BCO1: variants seen among roughly 807,000 people sequenced by gnomAD.
The protein encoded by BCO1 is beta-carotene oxygenase 1, also known as beta,beta-carotene 15,15'-dioxygenase.
Under a neutral mutation model 56.3 loss-of-function variants are expected in BCO1, and 54 were observed. The ratio of observed to expected loss-of-function variants is 0.96; its 90% CI spans 0.77 to 1.20. BCO1 has a LOEUF of 1.20. BCO1 is among the 50% of genes most tolerant of loss of function. The pLI is 0.00. For synonymous variants in BCO1, 318 were observed against 266.1 expected (o/e 1.20, Z -1.90); for missense variants, 801 against 690.9 (o/e 1.16, Z -1.79).
chr16:81,251,528 C>G (rs1905797961), intron 2 of BCO1, among the ~76,000 whole-genome samples: 1 of 151,928 alleles, frequency 6.6e-6, no homozygotes, highest in African/African-American at 2.4e-5. Context: ...CCTCTGCACT[C>G]CATCCTGGGT....
At position 81,264,873 on chromosome 16, in the gene BCO1, G is replaced by A. The variant is rs991896131; in HGVS notation, c.619+86G>A. On this transcript the variant is annotated intron_variant, in intron 5 of 10. Coordinates refer to ENST00000258168, the MANE Select transcript of BCO1 (RefSeq NM_017429.3). ...GTTCTGTTTTTCGTTGATGACACAA[G>A]ATCCAGTGTGGTACTTTCTCCCGTA... 5 of 1,459,618 alleles carry A rather than the reference G, an allele frequency of 3.4e-6. No individual in the cohort carries two copies. The Admixed American group carries it at 5.1e-5, about 15-fold the overall frequency. The allele number at this position is 1,459,618 out of a possible 1,614,324, so 90.4% of individuals were successfully genotyped here.
At chr16:81,258,241 T>C (rs1906267161) in intron 2 of BCO1, among the ~76,000 whole-genome samples, 1 of 152,006 alleles carries the variant, frequency 6.6e-6, no homozygotes, top group Admixed American at 6.6e-5. Context: ...AAGTGAGGGG[T>C]AAGTCGTTAC....
chr16:81,239,754 A>C (rs561681415), intron 1 of BCO1, among the ~76,000 whole-genome samples: 57 of 152,292 alleles, frequency 3.7e-4, no homozygotes, highest in African/African-American at 1.4e-3. Context: ...CTATAGGAGT[A>C]GGACCTTCTA....
At chr16:81,279,574 C>T (rs1278581199) in intron 7 of BCO1, among the ~76,000 whole-genome samples, 1 of 152,174 alleles carries the variant, frequency 6.6e-6, no homozygotes, top group Non-Finnish European at 1.5e-5. Context: ...TGATGTCATT[C>T]AGTCTGCACA....
intron 3 of BCO1, among the ~76,000 whole-genome samples, chr16:81,260,178 A>C (rs1414456321): frequency 6.6e-6 from 1 of 152,184 alleles, no homozygotes; most frequent in Non-Finnish European, 1.5e-5. Context: ...AACAACCCAA[A>C]TGTTCATTAA....
intron 1 of BCO1, among the ~76,000 whole-genome samples, chr16:81,241,211 G>C (rs926569767): frequency 6.6e-6 from 1 of 152,020 alleles, no homozygotes; most frequent in Admixed American, 6.6e-5. Context: ...CTCCTCAGGA[G>C]ACTGGGCATG....
chr16:81,274,770 C>G (rs574931629), intron 7 of BCO1, among the ~76,000 whole-genome samples: 1 of 152,204 alleles, frequency 6.6e-6, no homozygotes, highest in South Asian at 2.1e-4. Flanking sequence ...CTTAGCTACT[C>G]AGGAGGCTGA....
At chr16:81,277,211 A>G (rs1359901037) in intron 7 of BCO1, among the ~76,000 whole-genome samples, 1 of 152,082 alleles carries the variant, frequency 6.6e-6, no homozygotes, top group Non-Finnish European at 1.5e-5. Context: ...GTTGGACTTA[A>G]TTTGCTTGGT....
At position 81,243,574 on chromosome 16, in the gene BCO1, T is replaced by C. The variant is rs115177896; in HGVS notation, c.65-1901T>C. On this transcript the variant is annotated intron_variant, in intron 1 of 10. Transcript: ENST00000258168. The stretch of plus-strand genomic sequence containing the variant: ...ACCTCCCCCTTCCGGGTTTAAGCAA[T>C]TCTCCTGTCTCAGCCTCCAGAGTGG... Among the ~76,000 whole-genome samples the C allele has an allele frequency of 9.2e-3, 1,395 of 152,222 alleles. 20 individuals carry two copies. The highest frequency in any genetic ancestry group is 0.032 in the African/African-American group (1,330 of 41,542).
At position 81,290,832 on chromosome 16, in the gene BCO1, T is replaced by C; in HGVS notation, c.*255T>C. On this transcript the variant is annotated 3_prime_UTR_variant, in exon 11 of 11. Coordinates refer to ENST00000258168, the MANE Select transcript of BCO1 (RefSeq NM_017429.3). The stretch of plus-strand genomic sequence containing the variant: ...GATCCAGTCCTTCTAAGAAACCTCC[T>C]TTCCTTTAACAAAAAGACCTTGACC... The C allele has an allele frequency of 2.4e-6, 1 of 419,472 alleles. No homozygotes were observed. The highest frequency in any genetic ancestry group is 3.8e-5 in the East Asian group (1 of 26,424). 26.0% of individuals were successfully genotyped at this position (419,472 alleles called of 1,614,324 possible). A position where few individuals can be genotyped will look rare whatever the true frequency, so the allele number is the denominator to read the frequency against.
chr16:81,252,508 G>A (rs923058677), intron 2 of BCO1, among the ~76,000 whole-genome samples: 1 of 152,040 alleles, frequency 6.6e-6, no homozygotes, highest in Non-Finnish European at 1.5e-5. Flanking sequence ...CACCTGCCTC[G>A]GCCTCCCAAA....
At chr16:81,258,600 A>AG (rs1213954170) in intron 2 of BCO1, among the ~76,000 whole-genome samples, 4 of 152,190 alleles carry the variant, frequency 2.6e-5, no homozygotes, top group African/African-American at 9.6e-5. Flanking sequence ...GGACACAAAC[A>AG]GGGTGGAAGG....
rs119478057 is a variant in BCO1 at position 81,264,677 on chromosome 16, C to A, written c.509C>A (p.Thr170Lys). 4.3e-6 allele frequency: 7 copies of A among 1,613,980 alleles called. No individual in the cohort carries two copies. Among genetic ancestry groups the A allele is most frequent in the Non-Finnish European group, 5.1e-6 (6 of 1,179,986 alleles). The change falls in exon 5 of 11, where the codon ACG (threonine) becomes AAG (lysine). Residue 170 changes from threonine to lysine, a missense_variant. By Grantham distance (78) the Thr-to-Lys change is moderately conservative. Coordinates refer to ENST00000258168, the MANE Select transcript of BCO1 (RefSeq NM_017429.3). ...YRKYVAVNLA[T>K]SHPHYDEAGN... ...AAATACGTGGCGGTAAATCTGGCAACGTCACATCCCCATTATGATGAGGCT... is the reference window on the plus strand; with the variant it reads ...AAATACGTGGCGGTAAATCTGGCAAAGTCACATCCCCATTATGATGAGGCT...
At chr16:81,272,967 A>ATT (rs796954071) in intron 7 of BCO1, among the ~76,000 whole-genome samples, 1 of 148,012 alleles carries the variant, frequency 6.8e-6, no homozygotes, top group East Asian at 2.0e-4. Context: ...CTAAACCCCC[A>ATT]TTTTTTTTTT....
rs752443339 is a variant in BCO1 at position 81,290,560 on chromosome 16, G to A, written c.1627G>A (p.Gly543Arg). 9 of 1,613,424 alleles carry A rather than the reference G, an allele frequency of 5.6e-6. No homozygotes were observed. Among genetic ancestry groups the A allele is most frequent in the East Asian group, 2.2e-5 (1 of 44,892 alleles). The part of the protein sequence containing the change: ...EQRDRASDCH[G>R]APLT The stretch of plus-strand genomic sequence containing the variant: ...GCGGGACAGGGCTTCCGACTGCCAC[G>A]GGGCTCCTCTGACCTGATGGTGTTG... The change falls in exon 11 of 11, where the codon GGG becomes AGG. Residue 543 changes from glycine to arginine, a missense_variant. Gly to Arg is a moderately radical substitution (Grantham distance 125). Coordinates refer to ENST00000258168, the MANE Select transcript of BCO1 (RefSeq NM_017429.3).
chr16:81,245,035 C>G (rs913594948), intron 1 of BCO1, among the ~76,000 whole-genome samples: 1 of 152,120 alleles, frequency 6.6e-6, no homozygotes, highest in Non-Finnish European at 1.5e-5. Flanking sequence ...GGATTACAGG[C>G]GCTCACTATG....
intron 8 of BCO1, among the ~76,000 whole-genome samples, chr16:81,281,174 G>C (rs149585929): frequency 6.6e-6 from 1 of 152,134 alleles, no homozygotes; most frequent in South Asian, 2.1e-4. Flanking sequence ...GGCCAGGCAC[G>C]GTGGCTCCCA....
At chr16:81,265,676 G>A (rs73599393) in intron 5 of BCO1, among the ~76,000 whole-genome samples, 189 of 107,934 alleles carry the variant, frequency 1.8e-3, no homozygotes, top group African/African-American at 3.8e-3. Context: ...CCATCCATCC[G>A]TCCACCCACC....
chr16:81,245,423 C>T, intron 1 of BCO1, 52 bp from the exon 2 acceptor site: 1 of 1,613,944 alleles, frequency 6.2e-7, no homozygotes, highest in Non-Finnish European at 8.5e-7. Flanking sequence ...TTTCTTCCAG[C>T]ATTTTGGTTT....
Sources: gnomAD v4.1 joint callset for allele counts (sites outside exome capture counted in the v4.1 genomes callset) on GRCh38, gnomAD v4.1.1 for gene constraint, MANE v1.5 for transcripts, NCBI Gene and HGNC (gene_info 2026-07-23, HGNC 2026-07-21) for gene names.